Variants in EML2 observed in about 807,000 individuals in gnomAD.
EML2 encodes echinoderm microtubule-associated protein-like 2.
A neutral mutation model predicts 84.7 loss-of-function variants in EML2; 59 were observed. The ratio of observed to expected loss-of-function variants is 0.70; its 90% CI spans 0.56 to 0.86. The LOEUF (loss-of-function observed/expected upper bound fraction) is 0.86. Among genes scored for constraint, EML2 ranks in the 40% least tolerant of loss-of-function variants. The pLI, the probability that EML2 is intolerant of heterozygous loss-of-function variation, is 0.00. For synonymous variants in EML2, 352 were observed against 348.9 expected, an observed-to-expected ratio of 1.01 and a Z score of -0.10; for missense variants, 818 against 855.6, an observed-to-expected ratio of 0.96 and a Z score of 0.55.
chr19:45,615,067 T>A, intron 16 of EML2: 1 of 210,906 alleles, frequency 4.7e-6, no homozygotes, highest in Non-Finnish European at 9.7e-6. Context: ...CCAGGTGTGG[T>A]GGCTCATGCC....
At chr19:45,641,625 C>G (rs986893834), upstream of EML2, 2 of 1,534,850 alleles carry the variant, frequency 1.3e-6, no homozygotes, top group African/African-American at 2.7e-5. Flanking sequence ...CGGCTTGACG[C>G]CGCCCCAGTC....
intron 8 of EML2, among the ~76,000 whole-genome samples, chr19:45,626,258 C>T (rs891226666): frequency 6.6e-6 from 1 of 152,138 alleles, no homozygotes; most frequent in African/African-American, 2.4e-5. Flanking sequence ...GGGATCCTCC[C>T]CCCTCAGCCT....
At chr19:45,616,017 A>ACACAAG in intron 15 of EML2, 128 bp from the exon 16 acceptor site, 1 of 709,066 alleles carries the variant, frequency 1.4e-6, no homozygotes, top group Non-Finnish European at 2.5e-6. Flanking sequence ...GACTAAAGGA[A>ACACAAG]GGATACACAG....
At chr19:45,624,947 T>A in intron 8 of EML2, 129 bp from the exon 9 acceptor site, 1 of 664,626 alleles carries the variant, frequency 1.5e-6, no homozygotes. Context: ...AGGCTCTGCG[T>A]GGAGCATCCC....
chr19:45,645,310 G>A, upstream of EML2: 1 of 1,533,396 alleles, frequency 6.5e-7, no homozygotes, highest in Non-Finnish European at 8.7e-7. Flanking sequence ...TGTCGTACAG[G>A]CCGCAGAAGG....
chr19:45,610,533 T>C (rs1403212804), intron 18 of EML2, among the ~76,000 whole-genome samples: 1 of 151,066 alleles, frequency 6.6e-6, no homozygotes, highest in Non-Finnish European at 1.5e-5. Context: ...TGAAACCCCG[T>C]CTCTACTAAA....
intron 8 of EML2, 89 bp downstream of exon 8, chr19:45,626,610 ACCCCTG>A: frequency 7.0e-7 from 1 of 1,430,940 alleles, no homozygotes. Flanking sequence ...GTAATCCCAA[ACCCCTG>A]CCACCCTCTG....
At chr19:45,642,159 A>T (rs1974586150), upstream of EML2, 1 of 1,516,358 alleles carries the variant, frequency 6.6e-7, no homozygotes. Flanking sequence ...CTAAGCGCGG[A>T]GGCGCCCGGC....
chr19:45,632,804 G>A lies in EML2; in HGVS notation c.510+57C>T, dbSNP rs1973221580. On this transcript the variant is annotated intron_variant, in intron 6 of 18. Transcript: ENST00000245925. The stretch of plus-strand genomic sequence containing the variant: ...CCAAGGGGCGGGTGAAAAGGTGCGG[G>A]CACTTGCCCTCCTTTTCGGGGCGAA... 6.2e-6 allele frequency: 9 copies of A among 1,459,364 alleles called. No homozygotes were observed. The South Asian group carries it at 8.4e-5, about 14-fold the overall frequency. 90.4% of individuals were successfully genotyped at this position (1,459,364 alleles called of 1,614,324 possible). A position where few individuals can be genotyped will look rare whatever the true frequency, so the allele number is the denominator to read the frequency against.
chr19:45,612,814 T>A (rs1200930345), intron 18 of EML2, among the ~76,000 whole-genome samples: 1 of 152,138 alleles, frequency 6.6e-6, no homozygotes, highest in African/African-American at 2.4e-5. Flanking sequence ...CTTTTATGCA[T>A]GAAAATTTCC....
intron 17 of EML2, 52 bp downstream of exon 17, chr19:45,614,553 T>C: frequency 6.7e-7 from 1 of 1,494,694 alleles, no homozygotes; most frequent in South Asian, 1.1e-5. Context: ...CCAGCGGGGA[T>C]GTCTCTCAGA....
chr19:45,621,516 C>T lies in EML2; in HGVS notation c.963G>A (p.Trp321Ter). Residue 321 changes from tryptophan (W) to a stop codon, truncating the protein, a stop_gained, in exon 10 of 19, where the codon TGG becomes TGA. Transcript: ENST00000245925. LOFTEE classifies it high-confidence loss of function. ...GGGRDRRVVLWGSDYSKLQEV... is the reference protein window; with the variant it reads ...GGGRDRRVVL ...CCTGCAGCTTGCTGTAGTCAGAACC[C>T]CAGAGGACCACCCGCCGATCACGGC... is the stretch of plus-strand genomic sequence containing the variant. 6.2e-7 allele frequency: 1 copy of T among 1,612,046 alleles called. No individual in the cohort carries two copies. The highest frequency in any genetic ancestry group is 1.1e-5 in the South Asian group (1 of 91,070).
At chr19:45,645,121 C>T (rs1457135878), upstream of EML2, among the ~76,000 whole-genome samples, 1 of 151,922 alleles carries the variant, frequency 6.6e-6, no homozygotes, top group East Asian at 1.9e-4. Flanking sequence ...GGACCAGGGA[C>T]CTTGCTCTTG....
At chr19:45,634,710 C>T (rs1973516845) in intron 3 of EML2, among the ~76,000 whole-genome samples, 2 of 151,322 alleles carry the variant, frequency 1.3e-5, no homozygotes, top group Non-Finnish European at 3.0e-5. Flanking sequence ...TACAGGCGCC[C>T]GCCACCATGC....
rs1974063845 is a variant in EML2, at chr19:45,638,637, GCCAGGACACCC to G, written c.50-14_50-4del. The G allele has an allele frequency of 2.5e-6, 4 of 1,613,416 alleles. No individual in the cohort carries two copies. In the Admixed American group the frequency reaches 6.7e-5, roughly 27 times the overall value. ...GAACATTTTCACGGAGCCATCCTCTGCCAGGACACCCCCAGAGGTCAGGCACTGACACCAGC... is the reference window on the plus strand; with the variant it reads ...GAACATTTTCACGGAGCCATCCTCTGCCAGAGGTCAGGCACTGACACCAGC... On this transcript the variant is annotated splice_region_variant and splice_polypyrimidine_tract_variant and intron_variant, in intron 2 of 18. Transcript: ENST00000245925.
In EML2 at chr19:45,621,373, C is replaced by T. The variant is rs375972670; in HGVS notation, c.997-41G>A. 2.3e-4 allele frequency: 369 copies of T among 1,578,450 alleles called. 2 individuals carry two copies. Among genetic ancestry groups the T allele is most frequent in the Non-Finnish European group, 2.8e-4 (327 of 1,160,210 alleles). On this transcript the variant is annotated intron_variant, in intron 10 of 18. Coordinates refer to ENST00000245925, the MANE Select transcript of EML2 (RefSeq NM_012155.4). ...AGAGGGAAGATGAGTAGGATGCACA[C>T]GGGTGGGTGTGGGGTGACATACTGT... is the stretch of plus-strand genomic sequence containing the variant.
chr19:45,645,298 C>G (rs1335094402), upstream of EML2: 1 of 1,533,654 alleles, frequency 6.5e-7, no homozygotes, highest in Middle Eastern at 1.7e-4. Flanking sequence ...GCAGCGAGGA[C>G]GTGTCGTACA....
chr19:45,643,734 G>A, upstream of EML2: 2 of 1,526,636 alleles, frequency 1.3e-6, no homozygotes, highest in Non-Finnish European at 8.8e-7. Context: ...CAGTGCAGCC[G>A]CCGCTCCTCC....
At chr19:45,622,433 G>A (rs1457274793) in intron 9 of EML2, among the ~76,000 whole-genome samples, 1 of 151,826 alleles carries the variant, frequency 6.6e-6, no homozygotes, top group Non-Finnish European at 1.5e-5. Flanking sequence ...GTTTTGTTTT[G>A]TTTTATTTTG....
Sources: gnomAD v4.1 joint callset for allele counts (sites outside exome capture counted in the v4.1 genomes callset) on GRCh38, gnomAD v4.1.1 for gene constraint, MANE v1.5 for transcripts, NCBI Gene and HGNC (gene_info 2026-07-23, HGNC 2026-07-21) for gene names.